Variants in SLC9A9 observed in about 807,000 individuals in gnomAD.
SLC9A9 encodes the protein solute carrier family 9 member A9.
Under a neutral mutation model 77.8 loss-of-function variants are expected in SLC9A9, and 62 were observed. The ratio of observed to expected loss-of-function variants is 0.80; its 90% confidence interval spans 0.65 to 0.98. The LOEUF is 0.98. Among genes scored for constraint, SLC9A9 ranks in the 50% least tolerant of loss-of-function variants. The probability of loss-of-function intolerance (pLI) is 0.00; values close to 1 mark genes in which losing one functional copy is unlikely to be tolerated. For synonymous variants in SLC9A9, 320 were observed against 283.5 expected (o/e 1.13, Z -1.29); for missense variants, 775 against 774.9 (o/e 1.00, Z 0.00).
At chr3:143,408,564 C>T (rs993572468) in intron 12 of SLC9A9, among the ~76,000 whole-genome samples, 4 of 152,206 alleles carry the variant, frequency 2.6e-5, no homozygotes, top group African/African-American at 4.8e-5. Flanking sequence ...GGTGAAACCG[C>T]CTCGAGCAGG....
intron 14 of SLC9A9, among the ~76,000 whole-genome samples, chr3:143,351,298 C>A (rs965088422): frequency 3.3e-5 from 5 of 152,224 alleles, no homozygotes; most frequent in African/African-American, 1.2e-4. Flanking sequence ...GAGTTATGAT[C>A]AGCAGTTTGA....
intron 8 of SLC9A9, among the ~76,000 whole-genome samples, chr3:143,554,733 C>T (rs1308004874): frequency 6.6e-6 from 1 of 152,134 alleles, no homozygotes; most frequent in African/African-American, 2.4e-5. Context: ...CTTCTCTGAC[C>T]ACTCCCCACC....
chr3:143,618,622 T>C (rs527275077), intron 6 of SLC9A9, among the ~76,000 whole-genome samples: 1 of 152,156 alleles, frequency 6.6e-6, no homozygotes, highest in Non-Finnish European at 1.5e-5. Context: ...AGGACCAACC[T>C]GGCACGATGA....
At chr3:143,846,363 A>T (rs2009830027) in intron 1 of SLC9A9, among the ~76,000 whole-genome samples, 1 of 152,196 alleles carries the variant, frequency 6.6e-6, no homozygotes, top group Non-Finnish European at 1.5e-5. Flanking sequence ...GGCTTCTCAG[A>T]TTCTATTCCA....
chr3:143,463,241 C>A (rs1456876992), intron 12 of SLC9A9, among the ~76,000 whole-genome samples: 1 of 152,138 alleles, frequency 6.6e-6, no homozygotes, highest in Non-Finnish European at 1.5e-5. Flanking sequence ...GAGATGGGTC[C>A]TACATTCTCA....
At chr3:143,714,156 T>G (rs888357345) in intron 4 of SLC9A9, among the ~76,000 whole-genome samples, 6 of 152,190 alleles carry the variant, frequency 3.9e-5, no homozygotes, top group African/African-American at 1.4e-4. Flanking sequence ...ACACAACTCA[T>G]TTTGCTTTCC....
intron 7 of SLC9A9, among the ~76,000 whole-genome samples, chr3:143,575,387 A>G (rs2037341399): frequency 6.6e-6 from 1 of 152,220 alleles, no homozygotes. Context: ...TCTGAAAATG[A>G]GAATAATAAT....
chr3:143,804,005 C>A (rs1372088797), intron 2 of SLC9A9, among the ~76,000 whole-genome samples: 1 of 152,150 alleles, frequency 6.6e-6, no homozygotes, highest in Non-Finnish European at 1.5e-5. Flanking sequence ...AACTCTACTC[C>A]CCCCTTATGT....
intron 1 of SLC9A9, 72 bp downstream of exon 1, chr3:143,848,076 C>T (rs1028217361): frequency 7.9e-6 from 11 of 1,385,030 alleles, no homozygotes; most frequent in Non-Finnish European, 1.1e-5. Flanking sequence ...CGGTACTTTG[C>T]TATCTGAGCA....
At chr3:143,838,325 C>A (rs78611895) in intron 1 of SLC9A9, among the ~76,000 whole-genome samples, 1 of 152,148 alleles carries the variant, frequency 6.6e-6, no homozygotes, top group African/African-American at 2.4e-5. Context: ...GCGTCAATGA[C>A]GCACATCAAG....
At chr3:143,831,457 A>G (rs1340533719) in intron 2 of SLC9A9, among the ~76,000 whole-genome samples, 1 of 152,148 alleles carries the variant, frequency 6.6e-6, no homozygotes, top group Admixed American at 6.6e-5. Flanking sequence ...ATTTTTTTCT[A>G]CCTAAATTCC....
At chr3:143,278,405 G>C (rs900413636) in intron 14 of SLC9A9, among the ~76,000 whole-genome samples, 5 of 152,122 alleles carry the variant, frequency 3.3e-5, no homozygotes, top group Non-Finnish European at 7.4e-5. Context: ...GATCTGGTTT[G>C]GTAATTATTT....
chr3:143,662,747 G>A (rs538955922), intron 5 of SLC9A9, among the ~76,000 whole-genome samples: 1 of 152,200 alleles, frequency 6.6e-6, no homozygotes, highest in East Asian at 1.9e-4. Flanking sequence ...AGCCAGGCTG[G>A]GGGAGGGGTG....
chr3:143,283,548 A>G (rs1938287629), intron 14 of SLC9A9, among the ~76,000 whole-genome samples: 1 of 152,196 alleles, frequency 6.6e-6, no homozygotes, highest in Non-Finnish European at 1.5e-5. Flanking sequence ...CTCCTCAGGC[A>G]TATCTGTGAG....
Position 143,797,135 on chromosome 3 carries a change from A to T in SLC9A9, c.379-232T>A, listed in dbSNP as rs2108859869. 1.5e-5 allele frequency among the ~76,000 whole-genome samples: 2 copies of T among 135,532 alleles called. 1 individual carries two copies. Among genetic ancestry groups the T allele is most frequent in the South Asian group, 5.0e-4 (2 of 3,976 alleles). 88.9% of individuals were successfully genotyped at this position (135,532 alleles called of 152,430 possible). On this transcript the variant is annotated intron_variant, in intron 2 of 15. Transcript: ENST00000316549. ...ATACTTCCACACTATAGCTAACAAC[A>T]ACAACAAAAACTCAGTGAAATCTCT...
At chr3:143,279,199 G>A (rs1192535919) in intron 14 of SLC9A9, among the ~76,000 whole-genome samples, 2 of 152,216 alleles carry the variant, frequency 1.3e-5, no homozygotes, top group East Asian at 3.9e-4. Context: ...ATATTGCCAA[G>A]TTTTTCCCTG....
chr3:143,848,232 GC>G lies in SLC9A9; in HGVS notation c.90del (p.Leu30PhefsTer7). ...CAGATTGTCAAAATGGTAAGGATGA[GC>G]AAAAAATTGAAGACAAGCAGCTCCA... ...GAVELLVFNF[L>X]LILTILTIWL... On this transcript the variant is annotated frameshift_variant, in exon 1 of 16. Transcript: ENST00000316549. LOFTEE classifies it high-confidence loss of function. 6.2e-7 allele frequency: 1 copy of G among 1,613,956 alleles called. No individual in the cohort carries two copies. The highest frequency in any genetic ancestry group is 8.5e-7 in the Non-Finnish European group (1 of 1,179,940).
chr3:143,693,629 C>T (rs894206816), intron 4 of SLC9A9, among the ~76,000 whole-genome samples: 1 of 152,160 alleles, frequency 6.6e-6, no homozygotes, highest in African/African-American at 2.4e-5. Context: ...TCCAAAACCA[C>T]AGCAGCTGTG....
rs905531464 is a variant in SLC9A9, at chr3:143,477,379, C to A, written c.1316-10189G>T. On this transcript the variant is annotated intron_variant, in intron 11 of 15. Coordinates refer to ENST00000316549, the MANE Select transcript of SLC9A9 (RefSeq NM_173653.4). ...CCCCCCGCCGCCCCCTCCCGCCACC[C>A]AGATTTCAGGGCTCTATTCTGAGAG... Among the ~76,000 whole-genome samples the A allele has an allele frequency of 3.8e-4, 56 of 146,122 alleles. 1 individual carries two copies. The East Asian group carries it at 0.011, about 28-fold the overall frequency.
Sources: gnomAD v4.1 joint callset for allele counts (sites outside exome capture counted in the v4.1 genomes callset) on GRCh38, gnomAD v4.1.1 for gene constraint, MANE v1.5 for transcripts, NCBI Gene and HGNC (gene_info 2026-07-23, HGNC 2026-07-21) for gene names.